Variants in CAPZB observed in about 807,000 individuals in gnomAD.
CAPZB encodes the protein capping actin protein of muscle Z-line subunit beta, also known as F-actin-capping protein subunit beta.
In CAPZB, 2 loss-of-function variants were observed where a neutral mutation model predicts 38.1. The ratio of observed to expected loss-of-function variants is 0.05; its 90% CI spans 0.02 to 0.17. CAPZB has a LOEUF of 0.17. Among genes scored for constraint, CAPZB ranks in the 10% least tolerant of loss-of-function variants. The pLI is 1.00. For synonymous variants in CAPZB, 107 were observed against 127.4 expected (o/e 0.84, Z 1.08); for missense variants, 161 against 334.2 (o/e 0.48, Z 4.04).
At chr1:19,378,748 G>A (rs541288275) in intron 3 of CAPZB, 95 bp from the exon 4 acceptor site, 259 of 707,946 alleles carry the variant, frequency 3.7e-4, no homozygotes, top group East Asian at 6.0e-4. Flanking sequence ...CTGAAATCTC[G>A]GAGGCAAAGC....
chr1:19,460,300 G>A (rs181636409), intron 1 of CAPZB, among the ~76,000 whole-genome samples: 24 of 152,248 alleles, frequency 1.6e-4, no homozygotes, highest in African/African-American at 5.3e-4. Flanking sequence ...TTTATGAGAC[G>A]GAGTCTCGCT....
At chr1:19,456,222 A>C (rs1224598314) in intron 1 of CAPZB, among the ~76,000 whole-genome samples, 1 of 152,226 alleles carries the variant, frequency 6.6e-6, no homozygotes, top group African/African-American at 2.4e-5. Context: ...CACAAGGCTC[A>C]TAATTTTAAG....
At chr1:19,458,500 G>T (rs1302912239) in intron 1 of CAPZB, among the ~76,000 whole-genome samples, 1 of 152,138 alleles carries the variant, frequency 6.6e-6, no homozygotes, top group East Asian at 1.9e-4. Context: ...GATTACAGGT[G>T]CCTGCCACCA....
intron 6 of CAPZB, among the ~76,000 whole-genome samples, chr1:19,353,866 T>TGCG (rs1415963150): frequency 6.6e-6 from 1 of 152,228 alleles, no homozygotes; most frequent in Non-Finnish European, 1.5e-5. Flanking sequence ...TGACGCCGTG[T>TGCG]GCGGCTCTGC....
At chr1:19,341,796 G>A (rs1239574848) in intron 8 of CAPZB, among the ~76,000 whole-genome samples, 1 of 152,166 alleles carries the variant, frequency 6.6e-6, no homozygotes, top group Non-Finnish European at 1.5e-5. Flanking sequence ...ACACAGACCA[G>A]ACTGGTGCAC....
At position 19,467,058 on chromosome 1, in the gene CAPZB, TTTTATTTA is replaced by T. The variant is rs34677425; in HGVS notation, c.3+18370_3+18377del. 1.1e-3 allele frequency among the ~76,000 whole-genome samples: 171 copies of T among 150,812 alleles called. 4 individuals are homozygous for T. The highest frequency in any genetic ancestry group is 8.6e-3 in the Admixed American group (129 of 15,082). The stretch of plus-strand genomic sequence containing the variant: ...CTCCAGATGCACCATCACACCCAGC[TTTTATTTA>T]TTTATTTATTTATTTTGTAGAGATT... On this transcript the variant is annotated intron_variant, in intron 1 of 8. Transcript: ENST00000264202.
intron 1 of CAPZB, among the ~76,000 whole-genome samples, chr1:19,469,151 G>A (rs1020423936): frequency 1.3e-5 from 2 of 152,196 alleles, no homozygotes; most frequent in Admixed American, 1.3e-4. Flanking sequence ...GCTTGGCGGT[G>A]AAGACGGGAT....
intron 2 of CAPZB, among the ~76,000 whole-genome samples, chr1:19,400,111 C>T (rs2094295003): frequency 6.6e-6 from 1 of 152,188 alleles, no homozygotes; most frequent in African/African-American, 2.4e-5. Flanking sequence ...AAATTCCCTT[C>T]TCTTTTCTCT....
chr1:19,359,420 G>A (rs1422493503), intron 4 of CAPZB, among the ~76,000 whole-genome samples: 1 of 152,142 alleles, frequency 6.6e-6, no homozygotes, highest in African/African-American at 2.4e-5. Flanking sequence ...GGAGCATCCA[G>A]GGGGCCGATA....
At chr1:19,408,130 G>A (rs1453300948) in intron 2 of CAPZB, among the ~76,000 whole-genome samples, 1 of 152,174 alleles carries the variant, frequency 6.6e-6, no homozygotes, top group East Asian at 1.9e-4. Flanking sequence ...GTTATAAAAT[G>A]CCCCACTGTG....
At chr1:19,419,906 G>A (rs1355429443) in intron 1 of CAPZB, 156 bp from the exon 2 acceptor site, 1 of 589,604 alleles carries the variant, frequency 1.7e-6, no homozygotes, top group Non-Finnish European at 3.0e-6. Context: ...GCCTGGAGCG[G>A]GGGGCGACTG....
intron 2 of CAPZB, among the ~76,000 whole-genome samples, chr1:19,395,439 G>A (rs1051344836): frequency 2.0e-5 from 3 of 152,168 alleles, no homozygotes; most frequent in Non-Finnish European, 2.9e-5. Flanking sequence ...GGCCTCCTGG[G>A]CTCGCTTTCA....
chr1:19,340,890 G>A (rs571870474), intron 8 of CAPZB, among the ~76,000 whole-genome samples: 1 of 152,148 alleles, frequency 6.6e-6, no homozygotes, highest in Non-Finnish European at 1.5e-5. Flanking sequence ...TGCTCAAGAA[G>A]AGTGCTACGG....
intron 2 of CAPZB, among the ~76,000 whole-genome samples, chr1:19,403,251 G>A (rs1409965869): frequency 6.6e-6 from 1 of 152,136 alleles, no homozygotes; most frequent in East Asian, 1.9e-4. Context: ...TTGACAGTGG[G>A]GATACAAAGG....
chr1:19,397,306 T>C, intron 2 of CAPZB, among the ~76,000 whole-genome samples: 1 of 152,232 alleles, frequency 6.6e-6, no homozygotes, highest in East Asian at 1.9e-4. Context: ...TTAAAAGGCA[T>C]GTAACACACA....
At chr1:19,444,436 C>T (rs1405678813) in intron 1 of CAPZB, among the ~76,000 whole-genome samples, 1 of 152,190 alleles carries the variant, frequency 6.6e-6, no homozygotes, top group Non-Finnish European at 1.5e-5. Context: ...CATTTTCTCA[C>T]TCATATAAAC....
chr1:19,385,057 A>G (rs985455042), intron 3 of CAPZB, among the ~76,000 whole-genome samples: 1 of 152,036 alleles, frequency 6.6e-6, no homozygotes, highest in Non-Finnish European at 1.5e-5. Flanking sequence ...GAGAGAGGAG[A>G]GTTGTGTATC....
intron 1 of CAPZB, among the ~76,000 whole-genome samples, chr1:19,429,763 C>T (rs760700740): frequency 5.9e-5 from 9 of 152,180 alleles, no homozygotes; most frequent in Non-Finnish European, 1.2e-4. Flanking sequence ...TGCCAGGAGT[C>T]TCTAGAAAGG....
rs546824989 is a variant in CAPZB, at chr1:19,339,924, C to T, written c.732-307G>A. Among the ~76,000 whole-genome samples the T allele has an allele frequency of 1.2e-3, 177 of 152,362 alleles. No homozygotes were observed. The Middle Eastern group carries it at 0.02, about 18-fold the overall frequency. ...CATAGTCCCTAGAACCCTAAGTTCACTCCTCTGTGTGTAGGTCCCTATGTC... is the reference window on the plus strand; with the variant it reads ...CATAGTCCCTAGAACCCTAAGTTCATTCCTCTGTGTGTAGGTCCCTATGTC... On this transcript the variant is annotated intron_variant, in intron 8 of 8. Coordinates refer to ENST00000264202, the MANE Select transcript of CAPZB (RefSeq NM_004930.5).
Sources: gnomAD v4.1 joint callset for allele counts (sites outside exome capture counted in the v4.1 genomes callset) on GRCh38, gnomAD v4.1.1 for gene constraint, MANE v1.5 for transcripts, NCBI Gene and HGNC (gene_info 2026-07-23, HGNC 2026-07-21) for gene names.